CMTR1: variants seen among roughly 807,000 people sequenced by gnomAD.
CMTR1 encodes the protein cap methyltransferase 1.
In CMTR1, 39 loss-of-function variants were observed where a neutral mutation model predicts 107.0. The ratio of observed to expected loss-of-function variants is 0.36; its 90% confidence interval spans 0.28 to 0.48. The LOEUF is 0.48. CMTR1 is among the 20% of genes least tolerant of loss of function. The probability of loss-of-function intolerance (pLI) is 0.99; values close to 1 mark genes in which losing one functional copy is unlikely to be tolerated. For missense variants in CMTR1, 672 were observed against 1,064.9 expected, an observed-to-expected ratio of 0.63 and a Z score of 5.14; for synonymous variants, 366 against 379.5, an observed-to-expected ratio of 0.96 and a Z score of 0.41.
chr6:37,464,606 A>AT (rs1198507593), intron 13 of CMTR1, among the ~76,000 whole-genome samples: 3 of 151,718 alleles, frequency 2.0e-5, no homozygotes, highest in East Asian at 3.9e-4. Flanking sequence ...TGTGTCTGGG[A>AT]TTTTTTCCTC....
At chr6:37,445,784 C>T (rs1180833128) in intron 3 of CMTR1, among the ~76,000 whole-genome samples, 4 of 151,930 alleles carry the variant, frequency 2.6e-5, no homozygotes, top group East Asian at 1.9e-4. Context: ...TGAGCCACCG[C>T]GCCCGGTCCC....
intron 17 of CMTR1, 90 bp from the exon 18 acceptor site, chr6:37,474,434 A>C (rs1434458489): frequency 1.4e-6 from 2 of 1,473,592 alleles, no homozygotes; most frequent in East Asian, 4.6e-5. Flanking sequence ...ATCAGTTTGT[A>C]GCTGCCAACT....
At chr6:37,464,445 C>T (rs1363817261) in intron 13 of CMTR1, among the ~76,000 whole-genome samples, 4 of 148,842 alleles carry the variant, frequency 2.7e-5, no homozygotes, top group Admixed American at 2.0e-4. Context: ...CCATCCTGGG[C>T]GACAGAGGAA....
Position 37,462,961 on chromosome 6 carries a change from C to G in CMTR1, c.1458C>G (p.Ile486Met). The part of the protein sequence containing the change: ...DVNLVVPLEV[I>M]KGDHEFTDYM... ...ACTTGGTGGTCCCCCTGGAGGTGATCAAGGGAGACCATGAATTTACTGACT... is the reference window on the plus strand; with the variant it reads ...ACTTGGTGGTCCCCCTGGAGGTGATGAAGGGAGACCATGAATTTACTGACT... Residue 486 changes from isoleucine to methionine, a missense_variant, in exon 13 of 24, where the codon ATC becomes ATG. Transcript: ENST00000373451. The G allele has an allele frequency of 3.1e-6, 5 of 1,614,128 alleles. No homozygotes were observed. Among genetic ancestry groups the G allele is most frequent in the Non-Finnish European group, 4.2e-6 (5 of 1,180,024 alleles).
In CMTR1 at chr6:37,446,312, G is replaced by C; in HGVS notation, c.307G>C (p.Gly103Arg). 6.2e-7 allele frequency: 1 copy of C among 1,614,170 alleles called. No homozygotes were observed. The highest frequency in any genetic ancestry group is 8.5e-7 in the Non-Finnish European group (1 of 1,180,032). Reference sequence around the variant, plus strand: ...TCAGGCCAAGATGGGCTTCAGGGAAGGTGAAGGATTGGGTAAATACAGCCA... The same window carrying C: ...TCAGGCCAAGATGGGCTTCAGGGAACGTGAAGGATTGGGTAAATACAGCCA... ...KLMAKMGFRE[G>R]EGLGKYSQGR... Residue 103 changes from glycine to arginine, a missense_variant, in exon 4 of 24, where the codon GGT (glycine) becomes CGT (arginine). Coordinates refer to ENST00000373451, the MANE Select transcript of CMTR1 (RefSeq NM_015050.3).
chr6:37,448,527 A>G lies in CMTR1; in HGVS notation c.445-1724A>G, dbSNP rs191224441. Among the ~76,000 whole-genome samples, 526 of 152,328 alleles carry G rather than the reference A, an allele frequency of 3.5e-3. 4 individuals are homozygous for G. The highest frequency in any genetic ancestry group is 0.012 in the African/African-American group (491 of 41,566). ...TCACCTTTATGCTTAAACATGATAG[A>G]TTTGACCAGGAGAAGAAGCCATGAT... is the stretch of plus-strand genomic sequence containing the variant. On this transcript the variant is annotated intron_variant, in intron 4 of 23. Coordinates refer to ENST00000373451, the MANE Select transcript of CMTR1 (RefSeq NM_015050.3).
intron 2 of CMTR1, among the ~76,000 whole-genome samples, chr6:37,438,939 A>G (rs1474536955): frequency 6.6e-6 from 1 of 152,226 alleles, no homozygotes; most frequent in African/African-American, 2.4e-5. Flanking sequence ...CTACCTGAAC[A>G]TAATGTTCAG....
In CMTR1 at chr6:37,435,662, C is replaced by T. The variant is rs751776488; in HGVS notation, c.33C>T (p.Ala11=). 3.7e-6 allele frequency: 6 copies of T among 1,600,928 alleles called. No homozygotes were observed. Among genetic ancestry groups the T allele is most frequent in the Admixed American group, 1.7e-5 (1 of 57,366 alleles). Residue 11 remains alanine (A), a synonymous_variant, in exon 2 of 24, where the codon GCC becomes GCT. Transcript: ENST00000373451. ...GGAGAACTGACCCAGAATGCACTGC[C>T]CCCATCAAGAAACAGAAAAAAAGAG... The part of the protein sequence containing the change: MKRRTDPECT[A]PIKKQKKRVA...
At chr6:37,475,901 C>T (rs944428448) in intron 19 of CMTR1, 6 of 559,362 alleles carry the variant, frequency 1.1e-5, no homozygotes, top group African/African-American at 5.7e-5. Flanking sequence ...AACCAACCGA[C>T]ATAGTGAAAT....
intron 4 of CMTR1, among the ~76,000 whole-genome samples, chr6:37,449,589 G>A (rs760573732): frequency 6.6e-6 from 1 of 152,168 alleles, no homozygotes; most frequent in Admixed American, 6.5e-5. Context: ...GATTACAGGC[G>A]TGAGCCACCA....
the CMTR1 span, among the ~76,000 whole-genome samples, chr6:37,423,993 C>G: frequency 6.6e-6 from 1 of 152,100 alleles, no homozygotes; most frequent in Non-Finnish European, 1.5e-5. Flanking sequence ...TTACTGTACA[C>G]GTTGCTGGCA....
chr6:37,444,506 G>C (rs1771741794), intron 3 of CMTR1, among the ~76,000 whole-genome samples: 1 of 152,118 alleles, frequency 6.6e-6, no homozygotes, highest in Admixed American at 6.5e-5. Flanking sequence ...CTAGTGAGTG[G>C]TGTCAAAAGA....
chr6:37,453,665 A>T (rs1761231079), intron 8 of CMTR1, among the ~76,000 whole-genome samples: 1 of 144,584 alleles, frequency 6.9e-6, no homozygotes. Flanking sequence ...TGAGTGTTGG[A>T]TGAAATGTGG....
the CMTR1 span, among the ~76,000 whole-genome samples, chr6:37,425,067 G>A: frequency 6.7e-6 from 1 of 149,470 alleles, no homozygotes; most frequent in Admixed American, 6.8e-5. Context: ...TCCTGCCTCA[G>A]CCTCCAGAGT....
chr6:37,478,382 A>G, intron 21 of CMTR1, 27 bp from the exon 22 acceptor site: 4 of 1,568,548 alleles, frequency 2.6e-6, no homozygotes, highest in South Asian at 2.2e-5. Context: ...TTTCTCTCTC[A>G]TGCACGTACC....
rs1432590226 is a variant in CMTR1 at position 37,472,897 on chromosome 6, T to C, written c.1689+410T>C. On this transcript the variant is annotated intron_variant, in intron 16 of 23. Coordinates refer to ENST00000373451, the MANE Select transcript of CMTR1 (RefSeq NM_015050.3). The surrounding 1 kb of genome is among the most constrained non-coding windows in gnomAD (Gnocchi z 4.1). ...GCAGCAGGGTTGGCCTAACCCCAGG[T>C]TCTTTGTCTTATTTCTGGTGAGCTG... Among the ~76,000 whole-genome samples the C allele has an allele frequency of 1.3e-5, 2 of 152,088 alleles. No homozygotes were observed. The highest frequency in any genetic ancestry group is 2.9e-5 in the Non-Finnish European group (2 of 68,016).
Position 37,444,015 on chromosome 6 carries a change from T to C in CMTR1, c.150T>C (p.Leu50=), listed in dbSNP as rs1668722209. ...CTTTTTCAGCATCTACTACAAGCCT[T>C]AGTGGGTCTGATAGTGAGACCGAGG... The part of the protein sequence containing the change: ...SHGAKASTTS[L]SGSDSETEGK... The change falls in exon 3 of 24, where the codon CTT becomes CTC. Residue 50 remains leucine (L), a synonymous_variant. Coordinates refer to ENST00000373451, the MANE Select transcript of CMTR1 (RefSeq NM_015050.3). The C allele has an allele frequency of 6.2e-7, 1 of 1,614,046 alleles. No individual in the cohort carries two copies.
chr6:37,479,319 C>A, intron 23 of CMTR1, 64 bp downstream of exon 23: 3 of 1,188,220 alleles, frequency 2.5e-6, no homozygotes, highest in Non-Finnish European at 3.8e-6. Flanking sequence ...AGGATGCCAG[C>A]CAGCTGTCTT....
chr6:37,465,265 CAA>C (rs60123298), intron 13 of CMTR1, among the ~76,000 whole-genome samples: 9 of 125,200 alleles, frequency 7.2e-5, no homozygotes, highest in Admixed American at 1.6e-4. Flanking sequence ...GACTCTGTCT[CAA>C]AAAAAAAAAA....
Sources: gnomAD v4.1 joint callset for allele counts (sites outside exome capture counted in the v4.1 genomes callset) on GRCh38, gnomAD v4.1.1 for gene constraint, Gnocchi (gnomAD v3.1) non-coding constraint, MANE v1.5 for transcripts, NCBI Gene and HGNC (gene_info 2026-07-23, HGNC 2026-07-21) for gene names.